CCDC7: variants seen among roughly 807,000 people sequenced by gnomAD.
CCDC7 encodes coiled-coil domain-containing protein 7.
Under a neutral mutation model 196.9 loss-of-function variants are expected in CCDC7, and 183 were observed. The ratio of observed to expected loss-of-function variants is 0.93; its 90% CI spans 0.82 to 1.05. The LOEUF (loss-of-function observed/expected upper bound fraction) is 1.05, where lower values mean the gene tolerates loss of function less well. Ranked by LOEUF, CCDC7 falls within the 50% of genes least tolerant of loss-of-function variation. The pLI is 0.00. For missense variants in CCDC7, 1,540 were observed against 1,482.2 expected, an observed-to-expected ratio of 1.04 and a Z score of -0.64; for synonymous variants, 525 against 484.6, an observed-to-expected ratio of 1.08 and a Z score of -1.10.
chr10:32,685,884 T>G (rs1257100073), intron 21 of CCDC7, 86 bp from the exon 23 acceptor site: 2 of 740,982 alleles, frequency 2.7e-6, no homozygotes, highest in South Asian at 1.9e-5. Flanking sequence ...AATGCTCATG[T>G]AAATGTTTTA....
intron 20 of CCDC7, among the ~76,000 whole-genome samples, chr10:32,645,098 T>C (rs2067519112): frequency 6.6e-6 from 1 of 152,122 alleles, no homozygotes; most frequent in South Asian, 2.1e-4. Flanking sequence ...TATGAAAAAA[T>C]GTTCAACATC....
intron 28 of CCDC7, among the ~76,000 whole-genome samples, chr10:32,777,078 A>G (rs183637029): frequency 1.9e-3 from 293 of 152,162 alleles, no homozygotes; most frequent in Middle Eastern, 6.8e-3. Flanking sequence ...CACAGTCTCT[A>G]TGTCTGTGTT....
At chr10:32,604,130 T>C (rs1239274598) in intron 18 of CCDC7, among the ~76,000 whole-genome samples, 2 of 151,984 alleles carry the variant, frequency 1.3e-5, no homozygotes, top group East Asian at 1.9e-4. Flanking sequence ...TTTGAGAGAT[T>C]GGGGCCTAGT....
At chr10:32,482,630 A>T (rs1287846592) in intron 8 of CCDC7, among the ~76,000 whole-genome samples, 4 of 151,988 alleles carry the variant, frequency 2.6e-5, no homozygotes, top group Non-Finnish European at 5.9e-5. Flanking sequence ...GTATATCTCC[A>T]AATGCTATCC....
At chr10:32,475,657 A>G (rs1347137750) in intron 8 of CCDC7, among the ~76,000 whole-genome samples, 2 of 152,190 alleles carry the variant, frequency 1.3e-5, no homozygotes, top group Non-Finnish European at 2.9e-5. Context: ...TAGCTTTACT[A>G]GTATTGACCT....
At chr10:32,500,652 G>A (rs564094191) in intron 9 of CCDC7, among the ~76,000 whole-genome samples, 5 of 152,274 alleles carry the variant, frequency 3.3e-5, no homozygotes, top group Admixed American at 2.6e-4. Flanking sequence ...GGTGGCGGCC[G>A]GGCAGAGGCT....
At chr10:32,560,007 G>A (rs916416517) in intron 13 of CCDC7, among the ~76,000 whole-genome samples, 61 of 152,162 alleles carry the variant, frequency 4.0e-4, no homozygotes, top group African/African-American at 1.4e-3. Flanking sequence ...ACCAAGGCTC[G>A]AGAACTACGT....
At chr10:32,714,535 A>G (rs1023846410) in intron 25 of CCDC7, among the ~76,000 whole-genome samples, 1 of 152,156 alleles carries the variant, frequency 6.6e-6, no homozygotes, top group African/African-American at 2.4e-5. Flanking sequence ...GGCACATGGA[A>G]TGCCAGTGAG....
At position 32,565,627 on chromosome 10, in the gene CCDC7, G is replaced by A. The variant is rs1353767757; in HGVS notation, c.1197+7G>A. 6.2e-7 allele frequency: 1 copy of A among 1,605,004 alleles called. No homozygotes were observed. Among genetic ancestry groups the A allele is most frequent in the African/African-American group, 1.3e-5 (1 of 74,634 alleles). On this transcript the variant is annotated splice_region_variant and intron_variant, in intron 14 of 41. Coordinates refer to ENST00000639629, the Ensembl canonical transcript of CCDC7. ...ATTGAAACAGGCTTTACAGGTAAAGGATGTCATGTTTCTTTAACATTGTTA... is the reference window on the plus strand; with the variant it reads ...ATTGAAACAGGCTTTACAGGTAAAGAATGTCATGTTTCTTTAACATTGTTA...
At chr10:32,831,192 G>A (rs1471514283) in intron 32 of CCDC7, among the ~76,000 whole-genome samples, 4 of 152,144 alleles carry the variant, frequency 2.6e-5, no homozygotes, top group African/African-American at 9.7e-5. Context: ...AAGCAATTCT[G>A]TATCTAAACA....
intron 13 of CCDC7, among the ~76,000 whole-genome samples, chr10:32,557,630 T>A (rs890456115): frequency 1.3e-5 from 2 of 152,232 alleles, no homozygotes; most frequent in Non-Finnish European, 2.9e-5. Flanking sequence ...TCTGTTCTTA[T>A]GCTCATACAT....
chr10:32,566,868 GAT>G (rs369657625), intron 14 of CCDC7, among the ~76,000 whole-genome samples: 5 of 142,832 alleles, frequency 3.5e-5, no homozygotes, highest in Non-Finnish European at 7.6e-5. Context: ...AAACCCCGCA[GAT>G]ATATATATAT....
chr10:32,492,936 AAAAT>A (rs1359002999), intron 9 of CCDC7, among the ~76,000 whole-genome samples: 8 of 152,236 alleles, frequency 5.3e-5, no homozygotes, highest in Middle Eastern at 3.4e-3. Flanking sequence ...ATTTCTTTTT[AAAAT>A]AAATGTTTTA....
At chr10:32,673,743 T>C (rs2074466007) in intron 21 of CCDC7, among the ~76,000 whole-genome samples, 1 of 149,636 alleles carries the variant, frequency 6.7e-6, no homozygotes, top group Non-Finnish European at 1.5e-5. Flanking sequence ...ACTGAACCAG[T>C]AACCAGAATC....
At chr10:32,485,642 A>T (rs571557324) in intron 8 of CCDC7, among the ~76,000 whole-genome samples, 5 of 152,304 alleles carry the variant, frequency 3.3e-5, no homozygotes, top group African/African-American at 1.2e-4. Flanking sequence ...TTAGTGCTAT[A>T]AATTTCCCTC....
At chr10:32,799,768 A>C (rs921680414) in intron 29 of CCDC7, among the ~76,000 whole-genome samples, 1 of 152,102 alleles carries the variant, frequency 6.6e-6, no homozygotes, top group Non-Finnish European at 1.5e-5. Flanking sequence ...GCTACTTCTC[A>C]CTCTCTGGAT....
intron 25 of CCDC7, among the ~76,000 whole-genome samples, chr10:32,717,524 A>G (rs2484717): frequency 0.79 from 120,581 of 152,046 alleles, 48,349 homozygotes; most frequent in South Asian, 0.85. Flanking sequence ...AAATAACTAA[A>G]ATCAGAGCAG....
At chr10:32,656,577 C>A (rs1283284224) in intron 20 of CCDC7, among the ~76,000 whole-genome samples, 1 of 152,150 alleles carries the variant, frequency 6.6e-6, no homozygotes, top group East Asian at 1.9e-4. Context: ...TGATAACTCA[C>A]AATCATGAGA....
chr10:32,551,505 T>C (rs2053473722), intron 13 of CCDC7, among the ~76,000 whole-genome samples: 2 of 152,266 alleles, frequency 1.3e-5, no homozygotes, highest in South Asian at 4.1e-4. Flanking sequence ...CAGTTTGTGC[T>C]TTTTCAGTGT....
Sources: gnomAD v4.1 joint callset for allele counts (sites outside exome capture counted in the v4.1 genomes callset) on GRCh38, gnomAD v4.1.1 for gene constraint, MANE v1.5 for transcripts, NCBI Gene and HGNC (gene_info 2026-07-23, HGNC 2026-07-21) for gene names.